GAA: variants seen among roughly 807,000 people sequenced by gnomAD.
GAA encodes lysosomal alpha-glucosidase.
A neutral mutation model predicts 103.9 loss-of-function variants in GAA; 88 were observed. That is an observed-to-expected ratio of 0.85 (90% CI 0.71 to 1.01). The LOEUF is 1.01. Among genes scored for constraint, GAA ranks in the 50% least tolerant of loss-of-function variants. GAA has a pLI of 0.00. For missense variants in GAA, 1,350 were observed against 1,305.3 expected (o/e 1.03, Z -0.53); for synonymous variants, 572 against 563.1 (o/e 1.02, Z -0.22).
At chr17:80,107,922 G>T in intron 5 of GAA, 26 bp downstream of exon 5, 1 of 1,577,088 alleles carries the variant, frequency 6.3e-7, no homozygotes, top group Non-Finnish European at 8.6e-7. Flanking sequence ...CCCAGCGCCC[G>T]GGCCGGGGTC....
In GAA at chr17:80,118,259, G is replaced by C; in HGVS notation, c.2548G>C (p.Gly850Arg). 2 of 1,611,844 alleles carry C rather than the reference G, an allele frequency of 1.2e-6. No individual in the cohort carries two copies. Among genetic ancestry groups the C allele is most frequent in the Middle Eastern group, 1.7e-4 (1 of 6,046 alleles). ...PMALAVALTK[G>R]GEARGELFWD... ...GGCCCTGGCTGTGGCCCTGACCAAG[G>C]GTGGGGAGGCCCGAGGGGAGCTGTT... Residue 850 changes from glycine to arginine, a missense_variant, in exon 18 of 20, where the codon GGT (glycine) becomes CGT (arginine). Gly to Arg is a moderately radical substitution (Grantham distance 125). Transcript: ENST00000302262.
chr17:80,108,536 C>A lies in GAA; in HGVS notation c.1123C>A (p.Arg375Ser). ...CTGGGGCCTGGGCTTCCACCTGTGC[C>A]GCTGGGGCTACTCCTCCACCGCTAT... ...PYWGLGFHLCRWGYSSTAITR... is the reference protein window; with the variant it reads ...PYWGLGFHLCSWGYSSTAITR... Residue 375 changes from arginine (R) to serine (S), a missense_variant, in exon 7 of 20, where the codon CGC (arginine) becomes AGC (serine). By Grantham distance (110) the Arg-to-Ser change is moderately radical. Coordinates refer to ENST00000302262, the MANE Select transcript of GAA (RefSeq NM_000152.5). The A allele has an allele frequency of 6.2e-7, 1 of 1,612,974 alleles. No individual in the cohort carries two copies. Among genetic ancestry groups the A allele is most frequent in the African/African-American group, 1.3e-5 (1 of 75,030 alleles).
In GAA at chr17:80,110,832, A is replaced by C. The variant is rs2039216941; in HGVS notation, c.1543A>C (p.Met515Leu). ...CCATGACCAGGTGCCCTTCGACGGC[A>C]TGTGGATTGTAAGTGTGGCCCCCTC... ...EFHDQVPFDGMWIDMNEPSNF... is the reference protein window; with the variant it reads ...EFHDQVPFDGLWIDMNEPSNF... Residue 515 changes from methionine to leucine, a missense_variant, in exon 10 of 20, where the codon ATG (methionine) becomes CTG (leucine). Transcript: ENST00000302262. 1.9e-6 allele frequency: 3 copies of C among 1,614,054 alleles called. No individual in the cohort carries two copies. The highest frequency in any genetic ancestry group is 4.5e-5 in the East Asian group (2 of 44,876).
At chr17:80,106,949 C>T (rs140758865) in intron 3 of GAA, among the ~76,000 whole-genome samples, 12 of 152,300 alleles carry the variant, frequency 7.9e-5, no homozygotes, top group Non-Finnish European at 1.8e-4. Context: ...CTTATCAGAT[C>T]TCGGTCTTGA....
At chr17:80,103,672 A>G (rs1472579995) in intron 1 of GAA, among the ~76,000 whole-genome samples, 1 of 152,078 alleles carries the variant, frequency 6.6e-6, no homozygotes, top group Non-Finnish European at 1.5e-5. Flanking sequence ...TTGTGTCTGT[A>G]CCCGAGGCTC....
intron 15 of GAA, chr17:80,116,704 C>T (rs937734676): frequency 5.6e-6 from 3 of 539,748 alleles, no homozygotes; most frequent in Non-Finnish European, 1.0e-5. Flanking sequence ...CTGTGTCCAT[C>T]CTGGTGCCTC....
intron 8 of GAA, among the ~76,000 whole-genome samples, chr17:80,109,189 G>GCCTTCTGGCCGTGCCTCT (rs1308756680): frequency 6.6e-6 from 1 of 152,354 alleles, no homozygotes; most frequent in African/African-American, 2.4e-5. Flanking sequence ...GGCTCCGTGT[G>GCCTTCTGGCCGTGCCTCT]CCTTCTGGCC....
chr17:80,115,495 A>G (rs1163378299), intron 15 of GAA, among the ~76,000 whole-genome samples: 1 of 152,222 alleles, frequency 6.6e-6, no homozygotes, highest in Admixed American at 6.5e-5. Flanking sequence ...AGTTCTTCAG[A>G]CACGGTTTCG....
intron 8 of GAA, among the ~76,000 whole-genome samples, chr17:80,109,294 T>A (rs2039173835): frequency 6.6e-6 from 1 of 152,194 alleles, no homozygotes; most frequent in South Asian, 2.1e-4. Flanking sequence ...GAGCGGAGAC[T>A]TCTTCCCATC....
chr17:80,111,517 G>A (rs1480455309), intron 11 of GAA, among the ~76,000 whole-genome samples: 1 of 152,234 alleles, frequency 6.6e-6, no homozygotes, highest in Non-Finnish European at 1.5e-5. Context: ...CATCGCCTGA[G>A]GGGTGGTGGA....
chr17:80,109,887 C>T (rs920815594), intron 8 of GAA, 58 bp from the exon 9 acceptor site: 257 of 1,296,478 alleles, frequency 2.0e-4, no homozygotes, highest in Admixed American at 2.6e-4. Flanking sequence ...CAGTTTTCCC[C>T]GTGGCTGGCG....
At chr17:80,108,632 G>A (rs2039154409) in intron 7 of GAA, 25 bp downstream of exon 7, 1 of 1,612,624 alleles carries the variant, frequency 6.2e-7, no homozygotes, top group African/African-American at 1.3e-5. Context: ...TGGCAGGGGA[G>A]GCAAGGGGCT....
intron 2 of GAA, 40 bp downstream of exon 2, chr17:80,105,172 G>A (rs1471550567): frequency 3.2e-6 from 5 of 1,567,044 alleles, no homozygotes; most frequent in Non-Finnish European, 3.5e-6. Flanking sequence ...CAGGGCAGAG[G>A]GTGCGCGTGG....
rs765029419 is a variant in GAA at position 80,118,131 on chromosome 17, C to T, written c.2482-62C>T. On this transcript the variant is annotated intron_variant, in intron 17 of 19. Coordinates refer to ENST00000302262, the MANE Select transcript of GAA (RefSeq NM_000152.5). ...CTGTACCAGCCTAGCATTCCCGGGC[C>T]CTGGAGGCCTCCACCTCCACCAGGG... The T allele has an allele frequency of 2.5e-6, 4 of 1,577,408 alleles. No homozygotes were observed. The East Asian group carries it at 9.0e-5, about 35-fold the overall frequency.
chr17:80,108,381 C>A lies in GAA; in HGVS notation c.1047C>A (p.Ser349Arg). The change falls in exon 6 of 20, where the codon AGC (serine) becomes AGA (arginine). Residue 349 changes from serine to arginine, a missense_variant. Ser to Arg is a moderately radical substitution (Grantham distance 110). Transcript: ENST00000302262. ...VYIFLGPEPK[S>R]VVQQYLDVVG... ...TCTTCCTGGGCCCAGAGCCCAAGAG[C>A]GTGGTGCAGCAGTACCTGGACGTTG... 6.2e-7 allele frequency: 1 copy of A among 1,613,514 alleles called. No homozygotes were observed. Among genetic ancestry groups the A allele is most frequent in the Non-Finnish European group, 8.5e-7 (1 of 1,180,030 alleles).
At chr17:80,108,877 C>A in intron 8 of GAA, 49 bp downstream of exon 8, 1 of 1,545,254 alleles carries the variant, frequency 6.5e-7, no homozygotes, top group South Asian at 1.2e-5. Context: ...CGCCCGGTGC[C>A]CAGTGGCTCC....
chr17:80,113,341 AC>A lies in GAA; in HGVS notation c.2166del (p.Val723TrpfsTer41). ...LFHQAHVAGETVARPLFLEFP... is the reference protein window; with the variant it reads ...LFHQAHVAGEXVARPLFLEFP... ...CCACCAGGCCCACGTCGCGGGGGAG[AC>A]CGTGGCCCGGCCCCTCTTCCTGGAG... is the stretch of plus-strand genomic sequence containing the variant. On this transcript the variant is annotated frameshift_variant, in exon 15 of 20. Coordinates refer to ENST00000302262, the MANE Select transcript of GAA (RefSeq NM_000152.5). LOFTEE classifies it high-confidence loss of function. The A allele has an allele frequency of 6.3e-7, 1 of 1,590,642 alleles. No homozygotes were observed. The highest frequency in any genetic ancestry group is 2.3e-5 in the East Asian group (1 of 43,780).
chr17:80,106,482 AG>A (rs2039091911), intron 3 of GAA, among the ~76,000 whole-genome samples: 1 of 147,844 alleles, frequency 6.8e-6, no homozygotes, highest in Non-Finnish European at 1.5e-5. Flanking sequence ...TGTTGGGGGC[AG>A]GGGTGGCCTC....
intron 9 of GAA, among the ~76,000 whole-genome samples, chr17:80,110,363 G>GC (rs1197188038): frequency 6.6e-6 from 1 of 152,176 alleles, no homozygotes; most frequent in East Asian, 1.9e-4. Context: ...TCCAGGCAGG[G>GC]CCCCCGCTGA....
Sources: gnomAD v4.1 joint callset for allele counts (sites outside exome capture counted in the v4.1 genomes callset) on GRCh38, gnomAD v4.1.1 for gene constraint, MANE v1.5 for transcripts, NCBI Gene and HGNC (gene_info 2026-07-23, HGNC 2026-07-21) for gene names.